The following ADAMTS17 variants were observed in gnomAD, a reference collection of about 807,000 sequenced individuals.
ADAMTS17 encodes ADAM metallopeptidase with thrombospondin type 1 motif 17.
A neutral mutation model predicts 141.5 loss-of-function variants in ADAMTS17; 113 were observed. The observed-to-expected ratio is 0.80, with a 90% CI of 0.69 to 0.93. ADAMTS17 has a LOEUF of 0.93. ADAMTS17 is among the 40% of genes least tolerant of loss of function. The pLI, the probability that ADAMTS17 is intolerant of heterozygous loss-of-function variation, is 0.00. For missense variants in ADAMTS17, 1,659 were observed against 1,517.9 expected (o/e 1.09, Z -1.54); for synonymous variants, 768 against 630.6 (o/e 1.22, Z -3.27).
intron 3 of ADAMTS17, among the ~76,000 whole-genome samples, chr15:100,288,252 A>G (rs2044512033): frequency 6.6e-6 from 1 of 152,364 alleles, no homozygotes; most frequent in African/African-American, 2.4e-5. Context: ...TAAGCCAACA[A>G]TAATTTTTTA....
chr15:100,322,870 G>A (rs1443345079), intron 3 of ADAMTS17, among the ~76,000 whole-genome samples: 4 of 151,634 alleles, frequency 2.6e-5, no homozygotes, highest in East Asian at 1.9e-4. Flanking sequence ...GACAGATCAC[G>A]AGGTCAGGAG....
intron 10 of ADAMTS17, among the ~76,000 whole-genome samples, chr15:100,151,272 G>A (rs1005455981): frequency 6.6e-6 from 1 of 152,198 alleles, no homozygotes; most frequent in Admixed American, 6.5e-5. Flanking sequence ...GTCCTTTGGG[G>A]AAACAGCCAG....
intron 15 of ADAMTS17, 56 bp from the exon 16 acceptor site, chr15:100,054,110 C>A: frequency 6.2e-7 from 1 of 1,607,814 alleles, no homozygotes; most frequent in Non-Finnish European, 8.5e-7. Flanking sequence ...GGGGATCCAG[C>A]CTGTCTTTAA....
intron 20 of ADAMTS17, among the ~76,000 whole-genome samples, chr15:99,982,639 A>G (rs979952095): frequency 1.3e-5 from 2 of 152,332 alleles, no homozygotes; most frequent in African/African-American, 4.8e-5. Flanking sequence ...TCAGGCTTTA[A>G]TCATCCAAGC....
chr15:100,305,379 G>A (rs766693684), intron 3 of ADAMTS17, among the ~76,000 whole-genome samples: 6 of 152,132 alleles, frequency 3.9e-5, no homozygotes, highest in Non-Finnish European at 7.3e-5. Flanking sequence ...AAATAAATCC[G>A]TCTCAAAGGC....
chr15:100,331,714 A>C (rs922473814), intron 2 of ADAMTS17, among the ~76,000 whole-genome samples: 3 of 152,126 alleles, frequency 2.0e-5, no homozygotes, highest in South Asian at 2.1e-4. Flanking sequence ...GATCTGGCGG[A>C]TGAGTCTCAG....
chr15:100,265,556 T>A (rs529089738), intron 4 of ADAMTS17, among the ~76,000 whole-genome samples: 6 of 152,262 alleles, frequency 3.9e-5, no homozygotes, highest in African/African-American at 1.2e-4. Context: ...CTTCTCTGGC[T>A]AGGCAATGTA....
At chr15:100,305,152 T>C (rs2045179322) in intron 3 of ADAMTS17, among the ~76,000 whole-genome samples, 1 of 151,966 alleles carries the variant, frequency 6.6e-6, no homozygotes, top group African/African-American at 2.4e-5. Context: ...GTACCCTTCA[T>C]CCTCAACCCT....
At chr15:100,065,474 T>C (rs2033451352) in intron 15 of ADAMTS17, among the ~76,000 whole-genome samples, 1 of 152,248 alleles carries the variant, frequency 6.6e-6, no homozygotes, top group Non-Finnish European at 1.5e-5. Flanking sequence ...TAGCTAACTC[T>C]ACATCTGCTA....
intron 3 of ADAMTS17, among the ~76,000 whole-genome samples, chr15:100,298,482 G>T (rs1428809465): frequency 6.6e-6 from 1 of 152,146 alleles, no homozygotes; most frequent in East Asian, 1.9e-4. Flanking sequence ...GTGTTTACAT[G>T]TTTTTGCATG....
At chr15:100,198,143 G>C (rs112952139) in intron 8 of ADAMTS17, among the ~76,000 whole-genome samples, 8 of 152,066 alleles carry the variant, frequency 5.3e-5, no homozygotes, top group African/African-American at 1.9e-4. Context: ...TGCACATTCT[G>C]CACATGTATC....
chr15:99,973,482 T>A lies in ADAMTS17; in HGVS notation c.*920A>T, dbSNP rs1465990345. On this transcript the variant is annotated 3_prime_UTR_variant, in exon 22 of 22. Transcript: ENST00000268070. ...GGGATGTGGTACAGCATCTCTAAGG[T>A]ACAAAGCTTTAGGAAGTGCAGGCCA... 1 of 152,166 alleles carries A rather than the reference T, an allele frequency of 6.6e-6. No individual in the cohort carries two copies. The highest frequency in any genetic ancestry group is 2.4e-5 in the African/African-American group (1 of 41,418). The allele number at this position is 152,166 out of a possible 1,614,324, so 9.4% of individuals were successfully genotyped here.
chr15:100,140,508 T>TATATATATA (rs61080608), intron 10 of ADAMTS17, among the ~76,000 whole-genome samples: 2 of 139,626 alleles, frequency 1.4e-5, no homozygotes, highest in East Asian at 4.3e-4. Flanking sequence ...TATATATATA[T>TATATATATA]CCAGTAAAGA....
intron 15 of ADAMTS17, chr15:100,063,770 A>C: frequency 6.2e-6 from 8 of 1,289,840 alleles, no homozygotes; most frequent in South Asian, 1.2e-5. Flanking sequence ...CTGTAGCAAC[A>C]AACGACACAG....
At chr15:100,020,280 C>T (rs1014665086) in intron 18 of ADAMTS17, among the ~76,000 whole-genome samples, 1 of 152,206 alleles carries the variant, frequency 6.6e-6, no homozygotes, top group Non-Finnish European at 1.5e-5. Flanking sequence ...TGACAAGGAT[C>T]TCAGAAAATG....
At chr15:100,000,898 G>A (rs1055372380) in intron 18 of ADAMTS17, among the ~76,000 whole-genome samples, 4 of 152,184 alleles carry the variant, frequency 2.6e-5, no homozygotes, top group African/African-American at 9.7e-5. Context: ...TCTTTAAAAT[G>A]AATAAAAACG....
At position 100,016,111 on chromosome 15, in the gene ADAMTS17, C is replaced by T. The variant is rs148913649; in HGVS notation, c.2592-18522G>A. Among the ~76,000 whole-genome samples the T allele has an allele frequency of 1.7e-3, 259 of 152,292 alleles. 4 individuals are homozygous for T. The East Asian group carries it at 0.025, about 15-fold the overall frequency. Reference sequence around the variant, plus strand: ...TTGGGTTAATTCAAAGACCTGTCTTCGAGCTCTGAGAATTACTTTCTTCTA... The same window carrying T: ...TTGGGTTAATTCAAAGACCTGTCTTTGAGCTCTGAGAATTACTTTCTTCTA... On this transcript the variant is annotated intron_variant, in intron 18 of 21. Coordinates refer to ENST00000268070, the MANE Select transcript of ADAMTS17 (RefSeq NM_139057.4).
chr15:100,120,436 C>T (rs1813575965), intron 12 of ADAMTS17, among the ~76,000 whole-genome samples: 1 of 152,198 alleles, frequency 6.6e-6, no homozygotes, highest in Non-Finnish European at 1.5e-5. Context: ...TGTGTTCTGA[C>T]TGTTGATTGC....
At chr15:99,982,914 G>C (rs550995495) in intron 20 of ADAMTS17, among the ~76,000 whole-genome samples, 1 of 152,194 alleles carries the variant, frequency 6.6e-6, no homozygotes, top group Non-Finnish European at 1.5e-5. Flanking sequence ...AGGCAGGGAG[G>C]GGGTGTCACT....
Sources: allele counts gnomAD v4.1 joint callset (sites outside exome capture counted in the v4.1 genomes callset), GRCh38; gene constraint gnomAD v4.1.1; transcripts MANE v1.5; gene names NCBI Gene and HGNC (gene_info 2026-07-23, HGNC 2026-07-21).